Variants in CDH1 observed in about 807,000 individuals in gnomAD.
CDH1 encodes the protein cadherin 1.
A neutral mutation model predicts 84.5 loss-of-function variants in CDH1; 35 were observed. The observed-to-expected ratio is 0.41, with a 90% CI of 0.32 to 0.55. The LOEUF is 0.55. CDH1 is among the 20% of genes least tolerant of loss of function. The pLI, the probability that CDH1 is intolerant of heterozygous loss-of-function variation, is 0.19. For synonymous variants in CDH1, 417 were observed against 439.0 expected (o/e 0.95, Z 0.63); for missense variants, 994 against 1,126.6 (o/e 0.88, Z 1.68).
At chr16:68,779,675 G>C (rs996940569) in intron 2 of CDH1, among the ~76,000 whole-genome samples, 2 of 152,182 alleles carry the variant, frequency 1.3e-5, no homozygotes, top group African/African-American at 4.8e-5. Flanking sequence ...TGGCCAACAT[G>C]ATGAAACCTC....
At chr16:68,763,021 C>T (rs1178471376) in intron 2 of CDH1, among the ~76,000 whole-genome samples, 2 of 150,966 alleles carry the variant, frequency 1.3e-5, no homozygotes, top group Admixed American at 1.3e-4. Context: ...AAGTTTGATT[C>T]CTCTCTTCCC....
chr16:68,826,354 T>C (rs1961322541), intron 13 of CDH1, among the ~76,000 whole-genome samples: 1 of 150,520 alleles, frequency 6.6e-6, no homozygotes, highest in African/African-American at 2.4e-5. Context: ...ACTATGTTAC[T>C]CACATTGGTC....
At chr16:68,818,867 A>AAAAAAAG (rs1961059234) in intron 10 of CDH1, among the ~76,000 whole-genome samples, 1 of 147,212 alleles carries the variant, frequency 6.8e-6, no homozygotes, top group Admixed American at 6.7e-5. Context: ...AAAAAAAAAA[A>AAAAAAAG]AAAGAAAGAA....
intron 2 of CDH1, among the ~76,000 whole-genome samples, chr16:68,775,542 G>A (rs1005446452): frequency 6.6e-6 from 1 of 152,146 alleles, no homozygotes; most frequent in African/African-American, 2.4e-5. Flanking sequence ...CTTTGGATTC[G>A]GTTGGATTCT....
At chr16:68,801,304 C>T (rs1941470498) in intron 2 of CDH1, among the ~76,000 whole-genome samples, 1 of 151,906 alleles carries the variant, frequency 6.6e-6, no homozygotes, top group African/African-American at 2.4e-5. Flanking sequence ...TTAGTAGAGA[C>T]AGGGTTTCAT....
chr16:68,834,793 C>G lies in CDH1; in HGVS notation c.*1294C>G, dbSNP rs1197279179. On this transcript the variant is annotated 3_prime_UTR_variant, in exon 16 of 16. Transcript: ENST00000261769. The stretch of plus-strand genomic sequence containing the variant: ...AGCTCTGAAGCAAGAGTGATATACT[C>G]CAGGACTTAGAATAGTGCCTAAAGT... 4 of 232,090 alleles carry G rather than the reference C, an allele frequency of 1.7e-5. No individual in the cohort carries two copies. The Admixed American group carries it at 2.3e-4, about 13-fold the overall frequency. 14.4% of individuals were successfully genotyped at this position (232,090 alleles called of 1,614,324 possible).
At chr16:68,796,240 A>G (rs554612436) in intron 2 of CDH1, among the ~76,000 whole-genome samples, 45 of 152,210 alleles carry the variant, frequency 3.0e-4, no homozygotes, top group Non-Finnish European at 6.0e-4. Context: ...GATGAGAGGG[A>G]GGCAATCCAT....
At chr16:68,809,945 C>T (rs565419321) in intron 5 of CDH1, among the ~76,000 whole-genome samples, 2 of 152,298 alleles carry the variant, frequency 1.3e-5, no homozygotes, top group East Asian at 3.9e-4. Flanking sequence ...CATCTCTAGG[C>T]CTGATGCCCT....
At chr16:68,783,981 T>C (rs1472778534) in intron 2 of CDH1, among the ~76,000 whole-genome samples, 1 of 152,178 alleles carries the variant, frequency 6.6e-6, no homozygotes, top group Non-Finnish European at 1.5e-5. Flanking sequence ...CAGCCCTTCA[T>C]GATTTTTAAT....
chr16:68,831,708 T>C (rs1961489024), intron 15 of CDH1, among the ~76,000 whole-genome samples: 1 of 151,612 alleles, frequency 6.6e-6, no homozygotes, highest in South Asian at 2.1e-4. Flanking sequence ...CCAGCTACTT[T>C]TTCTATTTTT....
rs545034372 is a variant in CDH1 at position 68,835,371 on chromosome 16, C to T, written c.*1872C>T. On this transcript the variant is annotated 3_prime_UTR_variant, in exon 16 of 16. Coordinates refer to ENST00000261769, the MANE Select transcript of CDH1 (RefSeq NM_004360.5). Reference sequence around the variant, plus strand: ...GATTTTTCGGCAGTTCAAGCTATATCGAATATAGTTCTGTGTAGAGAATGT... The same window carrying T: ...GATTTTTCGGCAGTTCAAGCTATATTGAATATAGTTCTGTGTAGAGAATGT... 33 of 221,670 alleles carry T rather than the reference C, an allele frequency of 1.5e-4. No individual in the cohort carries two copies. Among genetic ancestry groups the T allele is most frequent in the African/African-American group, 7.4e-4 (33 of 44,772 alleles). 13.7% of individuals were successfully genotyped at this position (221,670 alleles called of 1,614,324 possible).
At chr16:68,792,001 A>T (rs1330269663) in intron 2 of CDH1, among the ~76,000 whole-genome samples, 1 of 151,166 alleles carries the variant, frequency 6.6e-6, no homozygotes, top group Admixed American at 6.6e-5. Context: ...GCTCACTGCA[A>T]CCTCCACCTC....
chr16:68,742,707 C>A (rs1962601473), intron 2 of CDH1: 1 of 152,014 alleles, frequency 6.6e-6, no homozygotes, highest in African/African-American at 2.4e-5. Context: ...AGGCGTGAGC[C>A]ACTGTGCCCG....
intron 2 of CDH1, among the ~76,000 whole-genome samples, chr16:68,794,721 C>T (rs1960311389): frequency 6.9e-6 from 1 of 144,138 alleles, no homozygotes; most frequent in East Asian, 2.1e-4. Context: ...GAGTCTCGCT[C>T]AGTCGCCCAG....
At chr16:68,753,288 C>G (rs1194968042) in intron 2 of CDH1, among the ~76,000 whole-genome samples, 1 of 149,476 alleles carries the variant, frequency 6.7e-6, no homozygotes, top group East Asian at 2.0e-4. Context: ...GCTTCAAAAT[C>G]CATCTGATCA....
rs876660863 is a variant in CDH1, at chr16:68,808,719, C to T, written c.558C>T (p.Gly186=). 14 of 1,614,122 alleles carry T rather than the reference C, an allele frequency of 8.7e-6. No homozygotes were observed. Among genetic ancestry groups the T allele is most frequent in the African/African-American group, 1.3e-5 (1 of 75,042 alleles). The part of the protein sequence containing the change: ...VQIKSNKDKE[G]KVFYSITGQG... ...TCAAATCCAACAAAGACAAAGAAGG[C>T]AAGGTTTTCTACAGCATCACTGGCC... Residue 186 remains glycine (G), a synonymous_variant, in exon 5 of 16, where the codon GGC becomes GGT. Coordinates refer to ENST00000261769, the MANE Select transcript of CDH1 (RefSeq NM_004360.5).
chr16:68,795,547 C>T (rs1410528556), intron 2 of CDH1, among the ~76,000 whole-genome samples: 11 of 151,678 alleles, frequency 7.3e-5, no homozygotes, highest in Non-Finnish European at 1.5e-5. Flanking sequence ...TACACTGGAG[C>T]GCAATGGTGC....
intron 9 of CDH1, 140 bp from the exon 10 acceptor site, chr16:68,815,374 AT>A: frequency 1.5e-5 from 16 of 1,079,550 alleles, no homozygotes; most frequent in Non-Finnish European, 2.0e-5. Context: ...GGTTTCTGCC[AT>A]TGAAAGTCAT....
chr16:68,784,402 C>CA (rs1159134538), intron 2 of CDH1, among the ~76,000 whole-genome samples: 2 of 152,044 alleles, frequency 1.3e-5, no homozygotes, highest in African/African-American at 2.4e-5. Flanking sequence ...TGACATCCAG[C>CA]ATTTTTTTTT....
Sources: gnomAD v4.1 joint callset for allele counts (sites outside exome capture counted in the v4.1 genomes callset) on GRCh38, gnomAD v4.1.1 for gene constraint, MANE v1.5 for transcripts, NCBI Gene and HGNC (gene_info 2026-07-23, HGNC 2026-07-21) for gene names.